The following FKBP3 variants were observed in gnomAD, a reference collection of about 807,000 sequenced individuals.
FKBP3 encodes the protein peptidyl-prolyl cis-trans isomerase FKBP3.
FKBP3 carries 21 observed loss-of-function variants against 30.6 expected under a neutral mutation model. The observed-to-expected ratio is 0.69, with a 90% CI of 0.49 to 0.99. FKBP3 has a LOEUF of 0.99. FKBP3 is among the 50% of genes least tolerant of loss of function. The probability of loss-of-function intolerance (pLI) is 0.00; values close to 1 mark genes in which losing one functional copy is unlikely to be tolerated. For synonymous variants in FKBP3, 82 were observed against 91.3 expected (o/e 0.90, Z 0.58); for missense variants, 283 against 261.6 (o/e 1.08, Z -0.56).
chr14:45,130,666 G>C, intron 2 of FKBP3, 33 bp downstream of exon 2: 1 of 1,247,134 alleles, frequency 8.0e-7, no homozygotes, highest in Non-Finnish European at 1.1e-6. Flanking sequence ...TTTCAAAAGT[G>C]ATGTTCTGCT....
intron 6 of FKBP3, among the ~76,000 whole-genome samples, chr14:45,117,129 G>A (rs1884864179): frequency 6.6e-6 from 1 of 152,084 alleles, no homozygotes; most frequent in Non-Finnish European, 1.5e-5. Context: ...GCAACACCAC[G>A]CCTGGCTAAT....
At chr14:45,130,626 G>A (rs562652466) in intron 2 of FKBP3, 73 bp downstream of exon 2, 4 of 870,022 alleles carry the variant, frequency 4.6e-6, no homozygotes, top group South Asian at 3.4e-5. Flanking sequence ...ACAAATCAAT[G>A]CATTTTAAAC....
chr14:45,119,500 C>A (rs1884934355), intron 5 of FKBP3, among the ~76,000 whole-genome samples: 1 of 151,632 alleles, frequency 6.6e-6, no homozygotes, highest in Non-Finnish European at 1.5e-5. Context: ...ACTCAGGAGA[C>A]AGAGGTTGCA....
Position 45,130,701 on chromosome 14 carries a change from T to C in FKBP3, c.208A>G (p.Lys70Glu), listed in dbSNP as rs1321673619. The change falls in exon 2 of 7, where the codon AAG becomes GAG. Residue 70 changes from lysine to glutamate, a missense_variant and splice_region_variant. Transcript: ENST00000396062. ...TAACAGAATCTAACAATACTCACCT[T>C]AGTTTCAAAAAGATGGTTATAGGCT... ...VTAYNHLFET[K>E]RFKGTESISK... The C allele has an allele frequency of 2.6e-6, 4 of 1,565,482 alleles. No individual in the cohort carries two copies. Among genetic ancestry groups the C allele is most frequent in the Non-Finnish European group, 3.5e-6 (4 of 1,149,638 alleles).
chr14:45,134,220 G>C (rs1234120620), intron 1 of FKBP3, 129 bp downstream of exon 1: 1 of 776,684 alleles, frequency 1.3e-6, no homozygotes. Flanking sequence ...GGCCTCTCCG[G>C]CCTTCCAGGC....
intron 1 of FKBP3, chr14:45,133,497 T>G (rs1566710203): frequency 6.4e-6 from 1 of 155,488 alleles, no homozygotes; most frequent in Non-Finnish European, 1.5e-5. Context: ...CCAGAAACAG[T>G]TTTTCTAAAT....
intron 3 of FKBP3, among the ~76,000 whole-genome samples, chr14:45,127,229 T>C (rs1885120950): frequency 6.6e-6 from 1 of 151,116 alleles, no homozygotes; most frequent in South Asian, 2.1e-4. Flanking sequence ...TTCTCCCACC[T>C]CAACCTTCCG....
intron 3 of FKBP3, among the ~76,000 whole-genome samples, chr14:45,128,868 G>A (rs1469246604): frequency 6.6e-6 from 1 of 152,122 alleles, no homozygotes; most frequent in African/African-American, 2.4e-5. Context: ...GTTGCCAGTT[G>A]CTTCTGAAAC....
chr14:45,121,412 C>A lies in FKBP3; in HGVS notation c.454+73G>T, dbSNP rs8020279. The A allele has an allele frequency of 3.9e-6, 5 of 1,286,396 alleles. No individual in the cohort carries two copies. In the African/African-American group the frequency reaches 5.9e-5, roughly 15 times the overall value. The allele number at this position is 1,286,396 out of a possible 1,614,324, so 79.7% of individuals were successfully genotyped here. A position where few individuals can be genotyped will look rare whatever the true frequency, so the allele number is the denominator to read the frequency against. On this transcript the variant is annotated intron_variant, in intron 4 of 6. Coordinates refer to ENST00000396062, the MANE Select transcript of FKBP3 (RefSeq NM_002013.4). ...ACAGTCAGGAAAAAGGTACTGCTAA[C>A]TACTCATCTGTCTGCCACCCAAGTA...
At chr14:45,127,017 T>C (rs926378421) in intron 3 of FKBP3, among the ~76,000 whole-genome samples, 9 of 151,958 alleles carry the variant, frequency 5.9e-5, no homozygotes, top group African/African-American at 2.2e-4. Context: ...GGTTTCACCA[T>C]GTTGGTCTCA....
intron 6 of FKBP3, among the ~76,000 whole-genome samples, chr14:45,116,986 C>G (rs999746774): frequency 1.3e-5 from 2 of 151,954 alleles, no homozygotes; most frequent in East Asian, 1.9e-4. Flanking sequence ...CCGCCCCCCC[C>G]ACCGAGACAG....
rs183219613 is a variant in FKBP3 at position 45,126,661 on chromosome 14, G to A, written c.318+3133C>T. ...AAATGTAATTTTGAGTTGTCTAATA[G>A]CTGCACTTAAAAATGTAAAAAGAAA... On this transcript the variant is annotated intron_variant, in intron 3 of 6. Coordinates refer to ENST00000396062, the MANE Select transcript of FKBP3 (RefSeq NM_002013.4). Among the ~76,000 whole-genome samples, 10 of 152,228 alleles carry A rather than the reference G, an allele frequency of 6.6e-5. No homozygotes were observed. The East Asian group carries it at 1.8e-3, about 27-fold the overall frequency.
In FKBP3 at chr14:45,118,075, C is replaced by T; in HGVS notation, c.573G>A (p.Glu191=). ...TTCCGTAAGCCCATTCTGGTTCAAT[C>T]TCCAGTCGAGCCTTTTCTCCTTTAC... The part of the protein sequence containing the change: ...TMSKGEKARL[E]IEPEWAYGKK... Residue 191 remains glutamate (E), a synonymous_variant, in exon 6 of 7, where the codon GAG becomes GAA. Coordinates refer to ENST00000396062, the MANE Select transcript of FKBP3 (RefSeq NM_002013.4). 2.5e-6 allele frequency: 4 copies of T among 1,605,036 alleles called. No homozygotes were observed. The South Asian group carries it at 4.5e-5, about 18-fold the overall frequency.
At chr14:45,120,694 C>T (rs533699013) in intron 5 of FKBP3, among the ~76,000 whole-genome samples, 193 bp downstream of exon 5, 57 of 152,218 alleles carry the variant, frequency 3.7e-4, no homozygotes, top group African/African-American at 9.9e-4. Context: ...GCAGTACTGT[C>T]CTCATTTTAT....
intron 3 of FKBP3, 91 bp downstream of exon 3, chr14:45,129,703 C>T (rs1885173988): frequency 2.6e-6 from 2 of 757,282 alleles, no homozygotes. Flanking sequence ...TTCAACCACC[C>T]TTCACTATGA....
In FKBP3 at chr14:45,132,399, T is replaced by G. The variant is rs62000272; in HGVS notation, c.109-1599A>C. 2.9e-3 allele frequency among the ~76,000 whole-genome samples: 443 copies of G among 152,176 alleles called. 3 individuals carry two copies. Among genetic ancestry groups the G allele is most frequent in the Middle Eastern group, 0.017 (5 of 294 alleles). ...CTAAGTGTTAATGATCACCGGAGAT[T>G]ATTATTATTAATTTTTGAGACAGAG... On this transcript the variant is annotated intron_variant, in intron 1 of 6. Coordinates refer to ENST00000396062, the MANE Select transcript of FKBP3 (RefSeq NM_002013.4).
intron 3 of FKBP3, 96 bp from the exon 4 acceptor site, chr14:45,121,716 AAG>A: frequency 7.2e-7 from 1 of 1,394,786 alleles, no homozygotes. Context: ...AGTCAGTTTA[AAG>A]AGTTTGATGG....
intron 3 of FKBP3, among the ~76,000 whole-genome samples, chr14:45,124,803 G>A (rs1885063078): frequency 6.6e-6 from 1 of 152,168 alleles, no homozygotes; most frequent in Admixed American, 6.5e-5. Flanking sequence ...AGAATGGCAT[G>A]AAATACGGCT....
rs762796272 is a variant in FKBP3, at chr14:45,121,548, C to T, written c.391G>A (p.Val131Ile). The T allele has an allele frequency of 1.2e-6, 2 of 1,613,716 alleles. No homozygotes were observed. Among genetic ancestry groups the T allele is most frequent in the Non-Finnish European group, 1.7e-6 (2 of 1,179,736 alleles). Residue 131 changes from valine to isoleucine, a missense_variant, in exon 4 of 7, where the codon GTT (valine) becomes ATT (isoleucine). By Grantham distance (29) the Val-to-Ile change is conservative. Coordinates refer to ENST00000396062, the MANE Select transcript of FKBP3 (RefSeq NM_002013.4). ...AGTGTTCCTGTATACCAGCAGTGAA[C>T]AACATCTCCCTTTTTGGGAAAGTTG... ...KTNFPKKGDV[V>I]HCWYTGTLQD...
Sources: allele counts gnomAD v4.1 joint callset (sites outside exome capture counted in the v4.1 genomes callset), GRCh38; gene constraint gnomAD v4.1.1; transcripts MANE v1.5; gene names NCBI Gene and HGNC (gene_info 2026-07-23, HGNC 2026-07-21).